Variants in NEGR1 observed in about 807,000 individuals in gnomAD.
The protein encoded by NEGR1 is neuronal growth regulator 1.
A neutral mutation model predicts 40.9 loss-of-function variants in NEGR1; 10 were observed. The ratio of observed to expected loss-of-function variants is 0.24; its 90% confidence interval spans 0.15 to 0.42. The LOEUF is 0.42. Ranked by LOEUF, NEGR1 falls within the 10% of genes least tolerant of loss-of-function variation. The probability of loss-of-function intolerance (pLI) is 1.00; values close to 1 mark genes in which losing one functional copy is unlikely to be tolerated. For synonymous variants in NEGR1, 185 were observed against 166.8 expected (o/e 1.11, Z -0.84); for missense variants, 352 against 438.9 (o/e 0.80, Z 1.77).
intron 1 of NEGR1, among the ~76,000 whole-genome samples, chr1:72,236,542 T>A (rs1174604485): frequency 6.6e-6 from 1 of 152,042 alleles, no homozygotes; most frequent in Non-Finnish European, 1.5e-5. Flanking sequence ...AAATAAACAA[T>A]AGTTGGTCCT....
At chr1:71,737,842 C>G (rs983163701) in intron 3 of NEGR1, among the ~76,000 whole-genome samples, 1 of 152,062 alleles carries the variant, frequency 6.6e-6, no homozygotes, top group South Asian at 2.1e-4. Context: ...CAGGTAATGC[C>G]CCCTCTTTCT....
At position 71,852,112 on chromosome 1, in the gene NEGR1, T is replaced by A. The variant is rs1206723700; in HGVS notation, c.410-75815A>T. ...ACTGTTTCATCTTTTAAGTGATTCTTACTTCCATACATCGTTGCAAGGAGT... is the reference window on the plus strand; with the variant it reads ...ACTGTTTCATCTTTTAAGTGATTCTAACTTCCATACATCGTTGCAAGGAGT... On this transcript the variant is annotated intron_variant, in intron 2 of 6. Coordinates refer to ENST00000357731, the MANE Select transcript of NEGR1 (RefSeq NM_173808.3). 2.0e-5 allele frequency among the ~76,000 whole-genome samples: 3 copies of A among 152,218 alleles called. No individual in the cohort carries two copies. In the East Asian group the frequency reaches 5.8e-4, roughly 29 times the overall value.
intron 3 of NEGR1, among the ~76,000 whole-genome samples, chr1:71,731,630 T>C (rs750750532): frequency 6.6e-6 from 1 of 152,166 alleles, no homozygotes; most frequent in Non-Finnish European, 1.5e-5. Flanking sequence ...AAAGCACACA[T>C]CTTTTTTCTT....
chr1:72,267,655 C>T (rs1415809339), intron 1 of NEGR1, among the ~76,000 whole-genome samples: 2 of 151,102 alleles, frequency 1.3e-5, no homozygotes, highest in Non-Finnish European at 3.0e-5. Context: ...AATAAAATCA[C>T]AGAAGCATGA....
chr1:71,934,302 T>C (rs1449301089), intron 2 of NEGR1, among the ~76,000 whole-genome samples: 12 of 152,182 alleles, frequency 7.9e-5, no homozygotes, highest in Admixed American at 6.5e-4. Flanking sequence ...AGGGGACTTA[T>C]GCTCTTACAT....
chr1:72,169,804 A>T (rs944371572), intron 1 of NEGR1, among the ~76,000 whole-genome samples: 2 of 152,150 alleles, frequency 1.3e-5, no homozygotes, highest in African/African-American at 2.4e-5. Flanking sequence ...AATTTAGTGA[A>T]CTTTAATAAA....
At chr1:71,749,737 C>T (rs895089702) in intron 3 of NEGR1, among the ~76,000 whole-genome samples, 2 of 152,162 alleles carry the variant, frequency 1.3e-5, no homozygotes, top group African/African-American at 2.4e-5. Context: ...AGAACAATTC[C>T]TGTTCAATAT....
chr1:72,233,006 T>C (rs1387652425), intron 1 of NEGR1, among the ~76,000 whole-genome samples: 2 of 152,214 alleles, frequency 1.3e-5, no homozygotes, highest in African/African-American at 4.8e-5. Flanking sequence ...CAGACAGTTA[T>C]TGGGTAAAGA....
At chr1:71,908,686 G>C (rs1165149986) in intron 2 of NEGR1, among the ~76,000 whole-genome samples, 1 of 152,128 alleles carries the variant, frequency 6.6e-6, no homozygotes. Flanking sequence ...GTCCTTACCT[G>C]TAAACTTAGA....
In NEGR1 at chr1:72,040,219, C is replaced by T. The variant is rs547150902; in HGVS notation, c.177-104908G>A. 8.6e-5 allele frequency among the ~76,000 whole-genome samples: 13 copies of T among 151,932 alleles called. No homozygotes were observed. The South Asian group carries it at 2.5e-3, about 29-fold the overall frequency. On this transcript the variant is annotated intron_variant, in intron 1 of 6. Transcript: ENST00000357731. Reference sequence around the variant, plus strand: ...GCAAAGCTTTGTCATAGTCTTCCCCCGAATCCCGCATCGTAACTTAAAGGT... The same window carrying T: ...GCAAAGCTTTGTCATAGTCTTCCCCTGAATCCCGCATCGTAACTTAAAGGT...
intron 1 of NEGR1, among the ~76,000 whole-genome samples, chr1:72,158,845 A>T (rs1373075339): frequency 6.6e-6 from 1 of 152,168 alleles, no homozygotes; most frequent in Non-Finnish European, 1.5e-5. Context: ...TAAAAATATG[A>T]TGACTATAAT....
chr1:71,898,574 C>A (rs1280316844), intron 2 of NEGR1, among the ~76,000 whole-genome samples: 1 of 152,074 alleles, frequency 6.6e-6, no homozygotes, highest in Non-Finnish European at 1.5e-5. Context: ...GAGATCGTGC[C>A]ACTGCACTCC....
rs537422297 is a variant in NEGR1, at chr1:72,282,150, A to C, written c.176+169T>G. Among the ~76,000 whole-genome samples, 11 of 152,200 alleles carry C rather than the reference A, an allele frequency of 7.2e-5. 1 individual carries two copies. In the East Asian group the frequency reaches 1.9e-3, roughly 27 times the overall value. ...CAGCTTGCTACCTGCCCCAGCATAA[A>C]CGGGCCGGGGCTCCGGGAAGAATCT... On this transcript the variant is annotated intron_variant, in intron 1 of 6. Transcript: ENST00000357731.
At chr1:72,030,852 C>T (rs1183000713) in intron 1 of NEGR1, among the ~76,000 whole-genome samples, 1 of 152,060 alleles carries the variant, frequency 6.6e-6, no homozygotes. Context: ...ATTCTACACA[C>T]TTTCTTAGGA....
intron 1 of NEGR1, among the ~76,000 whole-genome samples, chr1:72,071,911 G>T (rs1414522893): frequency 6.6e-6 from 1 of 152,018 alleles, no homozygotes; most frequent in Non-Finnish European, 1.5e-5. Flanking sequence ...TGTAAACATT[G>T]TGCTCTCCTG....
At chr1:71,491,177 TACA>T (rs752661639) in intron 6 of NEGR1, among the ~76,000 whole-genome samples, 20 of 152,154 alleles carry the variant, frequency 1.3e-4, no homozygotes, top group Non-Finnish European at 2.6e-4. Flanking sequence ...CCCTAAACAA[TACA>T]ACAACTATTT....
chr1:72,054,237 G>T (rs571219008), intron 1 of NEGR1, among the ~76,000 whole-genome samples: 2 of 151,284 alleles, frequency 1.3e-5, no homozygotes, highest in African/African-American at 4.8e-5. Flanking sequence ...AGCATGCAGG[G>T]ACGCCCCTTA....
intron 3 of NEGR1, among the ~76,000 whole-genome samples, chr1:71,766,030 T>C (rs1460366138): frequency 6.6e-6 from 1 of 151,934 alleles, no homozygotes; most frequent in Admixed American, 6.6e-5. Flanking sequence ...AAAAATTAGC[T>C]GGGCTTGGTG....
At chr1:72,020,252 G>A (rs1354810862) in intron 1 of NEGR1, among the ~76,000 whole-genome samples, 2 of 152,080 alleles carry the variant, frequency 1.3e-5, no homozygotes, top group Non-Finnish European at 2.9e-5. Context: ...AACCACGAGA[G>A]GTAAATCCTG....
Sources: allele counts gnomAD v4.1 joint callset (sites outside exome capture counted in the v4.1 genomes callset), GRCh38; gene constraint gnomAD v4.1.1; transcripts MANE v1.5; gene names NCBI Gene and HGNC (gene_info 2026-07-23, HGNC 2026-07-21).